PAX7: variants seen among roughly 807,000 people sequenced by gnomAD.
The protein encoded by PAX7 is paired box 7.
In PAX7, 18 loss-of-function variants were observed where a neutral mutation model predicts 50.7. That is an observed-to-expected ratio of 0.36 (90% CI 0.25 to 0.53). The LOEUF (loss-of-function observed/expected upper bound fraction) is 0.53. Ranked by LOEUF, PAX7 falls within the 20% of genes least tolerant of loss-of-function variation. PAX7 has a pLI of 0.93. For missense variants in PAX7, 644 were observed against 702.9 expected (o/e 0.92, Z 0.95); for synonymous variants, 310 against 290.4 (o/e 1.07, Z -0.69).
intron 7 of PAX7, among the ~76,000 whole-genome samples, chr1:18,707,373 G>A (rs1286586565): frequency 3.3e-5 from 5 of 149,920 alleles, no homozygotes; most frequent in South Asian, 2.1e-4. Context: ...TGTCTTTAGA[G>A]CCTGAAATCT....
intron 7 of PAX7, among the ~76,000 whole-genome samples, chr1:18,728,198 G>A (rs913037109): frequency 1.3e-5 from 2 of 152,144 alleles, no homozygotes; most frequent in Non-Finnish European, 2.9e-5. Context: ...GGAGTTGTGG[G>A]GTGGCAGTGT....
rs1252839601 is a variant in PAX7, at chr1:18,634,486, A to G, written c.269A>G (p.Tyr90Cys). The G allele has an allele frequency of 6.2e-7, 1 of 1,614,104 alleles. No homozygotes were observed. The highest frequency in any genetic ancestry group is 8.5e-7 in the Non-Finnish European group (1 of 1,180,032). Reference sequence around the variant, plus strand: ...TGCGTCTCCAAGATTCTTTGCCGCTACCAGGAGACCGGGTCCATCCGGCCT... The same window carrying G: ...TGCGTCTCCAAGATTCTTTGCCGCTGCCAGGAGACCGGGTCCATCCGGCCT... ...HGCVSKILCR[Y>C]QETGSIRPGA... The change falls in exon 2 of 9, where the codon TAC becomes TGC. Residue 90 changes from tyrosine to cysteine, a missense_variant. Transcript: ENST00000420770. The surrounding 1 kb of genome is among the most constrained non-coding windows in gnomAD (Gnocchi z 4.0).
chr1:18,668,527 C>A (rs1031521172), intron 4 of PAX7, among the ~76,000 whole-genome samples: 3 of 151,984 alleles, frequency 2.0e-5, no homozygotes, highest in African/African-American at 7.3e-5. Flanking sequence ...ATAGTGAGAC[C>A]CCATCTTTAC....
chr1:18,665,609 G>A (rs368286462), intron 4 of PAX7, among the ~76,000 whole-genome samples: 2 of 150,818 alleles, frequency 1.3e-5, no homozygotes, highest in Admixed American at 6.6e-5. Flanking sequence ...TCTTGACCTC[G>A]TGATCCACCT....
At chr1:18,693,585 C>T (rs1270982004) in intron 5 of PAX7, among the ~76,000 whole-genome samples, 1 of 152,218 alleles carries the variant, frequency 6.6e-6, no homozygotes, top group East Asian at 1.9e-4. Flanking sequence ...CACCCCTCCG[C>T]CCCCTGTCCT....
chr1:18,638,673 T>G (rs1044812046), intron 4 of PAX7, among the ~76,000 whole-genome samples: 1 of 152,124 alleles, frequency 6.6e-6, no homozygotes, highest in Non-Finnish European at 1.5e-5. Flanking sequence ...TCTGTGCAAA[T>G]GGGATTCAGC....
intron 7 of PAX7, among the ~76,000 whole-genome samples, chr1:18,732,139 G>T (rs1468850123): frequency 6.6e-6 from 1 of 152,182 alleles, no homozygotes; most frequent in Non-Finnish European, 1.5e-5. Flanking sequence ...TCTTTGGGGA[G>T]GTCTTGCCTG....
intron 4 of PAX7, among the ~76,000 whole-genome samples, chr1:18,640,866 G>A (rs1269450865): frequency 3.3e-5 from 5 of 151,728 alleles, no homozygotes; most frequent in Non-Finnish European, 7.4e-5. Flanking sequence ...TGGGGCGAGC[G>A]GAGAGGGGCG....
chr1:18,657,129 C>G (rs892093898), intron 4 of PAX7, among the ~76,000 whole-genome samples: 1 of 152,118 alleles, frequency 6.6e-6, no homozygotes, highest in South Asian at 2.1e-4. Context: ...ATTCAACCCA[C>G]GACCCCACCT....
At chr1:18,654,996 C>T (rs116187589) in intron 4 of PAX7, among the ~76,000 whole-genome samples, 3,007 of 152,314 alleles carry the variant, frequency 0.02, 106 homozygotes, top group African/African-American at 0.068. Flanking sequence ...CACGTGCCTA[C>T]AATGCCACCG....
rs2089699077 is a variant in PAX7, at chr1:18,735,574, T to C, written c.1156-58T>C. ...GGCCAGCCTGGCATTGTGCCCAGTG[T>C]GCTCGTGTCTCTGGGGTCTGTCCGG... On this transcript the variant is annotated intron_variant, in intron 7 of 8. Transcript: ENST00000420770. This position sits in a 1 kb window ranked among gnomAD's most constrained non-coding sequence, Gnocchi z 4.0. 6.4e-7 allele frequency: 1 copy of C among 1,562,542 alleles called. No individual in the cohort carries two copies. The highest frequency in any genetic ancestry group is 8.7e-7 in the Non-Finnish European group (1 of 1,148,948).
At chr1:18,682,264 A>G (rs1459800261) in intron 4 of PAX7, among the ~76,000 whole-genome samples, 1 of 151,916 alleles carries the variant, frequency 6.6e-6, no homozygotes, top group Non-Finnish European at 1.5e-5. Context: ...GCATATTTGG[A>G]TCCTCACATT....
At chr1:18,635,321 G>A in intron 3 of PAX7, 81 bp downstream of exon 3, 3 of 1,527,808 alleles carry the variant, frequency 2.0e-6, no homozygotes, top group Non-Finnish European at 2.7e-6. Flanking sequence ...TGGGAGAGAG[G>A]GGAGAGGAGA....
intron 7 of PAX7, among the ~76,000 whole-genome samples, chr1:18,704,800 T>C (rs1354828627): frequency 1.3e-5 from 2 of 152,184 alleles, no homozygotes; most frequent in African/African-American, 4.8e-5. Context: ...ATTTGTGTAG[T>C]TGAGGGTTAA....
intron 7 of PAX7, among the ~76,000 whole-genome samples, chr1:18,709,714 C>A (rs2089327323): frequency 6.6e-6 from 1 of 152,168 alleles, no homozygotes; most frequent in African/African-American, 2.4e-5. Context: ...ATTTATGGAG[C>A]CTCTTCCAGG....
chr1:18,701,497 C>A (rs2089221750), intron 6 of PAX7, among the ~76,000 whole-genome samples: 1 of 151,356 alleles, frequency 6.6e-6, no homozygotes, highest in Admixed American at 6.6e-5. Context: ...ATGTTGGAAT[C>A]ATGTTGGAAT....
At chr1:18,677,090 G>A (rs948796331) in intron 4 of PAX7, among the ~76,000 whole-genome samples, 1 of 152,228 alleles carries the variant, frequency 6.6e-6, no homozygotes, top group Admixed American at 6.5e-5. Context: ...CTAGCTGACT[G>A]TAGGTGATTT....
At chr1:18,665,777 C>T (rs1003187185) in intron 4 of PAX7, among the ~76,000 whole-genome samples, 3 of 150,298 alleles carry the variant, frequency 2.0e-5, no homozygotes, top group Non-Finnish European at 2.9e-5. Context: ...TCAAGAGATT[C>T]TCCTGCCTCA....
chr1:18,659,999 C>A (rs555907666), intron 4 of PAX7, among the ~76,000 whole-genome samples: 3 of 152,194 alleles, frequency 2.0e-5, no homozygotes, highest in African/African-American at 4.8e-5. Flanking sequence ...CTGCCCCTTG[C>A]GTGGGGTGGT....
Sources: gnomAD v4.1 joint callset for allele counts (sites outside exome capture counted in the v4.1 genomes callset) on GRCh38, gnomAD v4.1.1 for gene constraint, Gnocchi (gnomAD v3.1) non-coding constraint, MANE v1.5 for transcripts, NCBI Gene and HGNC (gene_info 2026-07-23, HGNC 2026-07-21) for gene names.